The following ERC1 variants were observed in gnomAD, a reference collection of about 807,000 sequenced individuals.
The protein encoded by ERC1 is RAB6 interacting protein 2.
In ERC1, 56 loss-of-function variants were observed where a neutral mutation model predicts 132.0. The observed-to-expected ratio is 0.42, with a 90% CI of 0.34 to 0.53. ERC1 has a LOEUF of 0.53. Ranked by LOEUF, ERC1 falls within the 20% of genes least tolerant of loss-of-function variation. ERC1 has a pLI of 0.03. For synonymous variants in ERC1, 478 were observed against 476.1 expected, an observed-to-expected ratio of 1.00 and a Z score of -0.05; for missense variants, 1,202 against 1,349.9, an observed-to-expected ratio of 0.89 and a Z score of 1.72.
chr12:1,170,720 T>C lies in ERC1; in HGVS notation c.1738-9820T>C, dbSNP rs190397548. 3.5e-4 allele frequency among the ~76,000 whole-genome samples: 54 copies of C among 152,352 alleles called. No individual in the cohort carries two copies. In the East Asian group the frequency reaches 0.01, roughly 29 times the overall value. On this transcript the variant is annotated intron_variant, in intron 8 of 18. Coordinates refer to ENST00000360905, the MANE Select transcript of ERC1 (RefSeq NM_178040.4). ...GGTCTTACCAGCTTTTGTGTCATTG[T>C]ATCCAGTTGTTCTAATGCGAGAGGC...
chr12:1,351,073 C>T (rs1334093570), intron 15 of ERC1, among the ~76,000 whole-genome samples: 2 of 152,190 alleles, frequency 1.3e-5, no homozygotes, highest in African/African-American at 4.8e-5. Context: ...GGCCCCACCT[C>T]CCAACACCAT....
At chr12:1,159,952 A>G (rs1951738565) in intron 8 of ERC1, among the ~76,000 whole-genome samples, 1 of 152,236 alleles carries the variant, frequency 6.6e-6, no homozygotes. Context: ...TGGAACCTGT[A>G]AAGTGGTATA....
intron 8 of ERC1, among the ~76,000 whole-genome samples, chr12:1,154,299 G>T (rs561514063): frequency 5.5e-5 from 8 of 144,648 alleles, no homozygotes; most frequent in African/African-American, 2.1e-4. Flanking sequence ...ACACACACAC[G>T]TGCATATATA....
intron 1 of ERC1, among the ~76,000 whole-genome samples, chr12:1,005,187 T>C (rs571287810): frequency 1.3e-5 from 2 of 152,276 alleles, no homozygotes; most frequent in East Asian, 3.9e-4. Flanking sequence ...GGTTTCACTC[T>C]GTCACCCAGG....
intron 16 of ERC1, among the ~76,000 whole-genome samples, chr12:1,392,455 G>A (rs953735786): frequency 2.0e-5 from 3 of 152,150 alleles, no homozygotes; most frequent in South Asian, 2.1e-4. Context: ...GCAGATAACC[G>A]ATTTTTTTAA....
At chr12:1,148,663 G>A (rs963326001) in intron 8 of ERC1, among the ~76,000 whole-genome samples, 19 of 152,052 alleles carry the variant, frequency 1.2e-4, no homozygotes, top group Admixed American at 3.3e-4. Flanking sequence ...GTGCAGTGGC[G>A]TGATATTGGC....
chr12:1,124,614 C>CAAG (rs1566026718), intron 7 of ERC1, among the ~76,000 whole-genome samples: 1 of 151,996 alleles, frequency 6.6e-6, no homozygotes, highest in African/African-American at 2.4e-5. Context: ...TTAGAAAAAA[C>CAAG]AGTTAATCCA....
chr12:1,244,744 C>T (rs1415337240), intron 13 of ERC1: 1 of 322,076 alleles, frequency 3.1e-6, no homozygotes, highest in African/African-American at 2.2e-5. Flanking sequence ...CCAGGCTGGT[C>T]CTAGCATCAT....
intron 15 of ERC1, among the ~76,000 whole-genome samples, chr12:1,297,198 TA>T (rs35473192): frequency 0.023 from 2,951 of 130,300 alleles, 81 homozygotes; most frequent in African/African-American, 0.067. Context: ...TTCAGGGTAC[TA>T]AAAAAAAAAA....
At chr12:1,175,735 A>G (rs1305935262) in intron 8 of ERC1, among the ~76,000 whole-genome samples, 1 of 152,012 alleles carries the variant, frequency 6.6e-6, no homozygotes, top group Non-Finnish European at 1.5e-5. Context: ...GCGTTTCTCC[A>G]TGTTGGCCAG....
At chr12:1,443,068 T>G (rs1007675963) in intron 17 of ERC1, among the ~76,000 whole-genome samples, 1 of 151,900 alleles carries the variant, frequency 6.6e-6, no homozygotes, top group African/African-American at 2.4e-5. Context: ...CCCAGTTAAT[T>G]TTTTGTATTT....
chr12:1,489,758 C>CTT (rs2094298175), intron 18 of ERC1, among the ~76,000 whole-genome samples: 4 of 152,176 alleles, frequency 2.6e-5, no homozygotes, highest in Admixed American at 2.0e-4. Flanking sequence ...AGGATCCTCT[C>CTT]TGAGATCACC....
At chr12:1,268,868 T>C (rs1408873662) in intron 14 of ERC1, among the ~76,000 whole-genome samples, 1 of 151,984 alleles carries the variant, frequency 6.6e-6, no homozygotes, top group African/African-American at 2.4e-5. Flanking sequence ...GGAAACCAAG[T>C]TGTGGTTAGT....
rs570435717 is a variant in ERC1 at position 1,493,229 on chromosome 12, C to T, written c.*2999C>T. On this transcript the variant is annotated 3_prime_UTR_variant, in exon 19 of 19. Transcript: ENST00000360905. ...CCATTTGAAATGGAAAAATTTTGAA[C>T]GGGCTTTAACATGTTTAAGAAATAT... The T allele has an allele frequency of 2.1e-5, 4 of 192,348 alleles. No homozygotes were observed. The highest frequency in any genetic ancestry group is 1.9e-4 in the South Asian group (1 of 5,160). The allele number at this position is 192,348 out of a possible 1,614,324, so 11.9% of individuals were successfully genotyped here.
intron 7 of ERC1, among the ~76,000 whole-genome samples, chr12:1,126,817 G>A (rs1245455889): frequency 1.3e-5 from 2 of 151,766 alleles, no homozygotes; most frequent in East Asian, 1.9e-4. Context: ...GTGAAACCCC[G>A]TCTCTACTAA....
chr12:1,493,548 A>AATATATATATATATATATATATATAT lies in ERC1; in HGVS notation c.*3323_*3348dup, dbSNP rs1555139790. 3 of 13,610 alleles carry AATATATATATATATATATATATATAT rather than the reference A, an allele frequency of 2.2e-4. No homozygotes were observed. The highest frequency in any genetic ancestry group is 2.9e-4 in the Non-Finnish European group (2 of 6,814). 0.8% of individuals were successfully genotyped at this position (13,610 alleles called of 1,614,324 possible). Reference sequence around the variant, plus strand: ...ACTCCATTTAAAAAAAAAAAAAAAAAATATATATATATATATATATATATA... The same window carrying AATATATATATATATATATATATATAT: ...ACTCCATTTAAAAAAAAAAAAAAAAAATATATATATATATATATATATATATATATATATATATATATATATATATA... On this transcript the variant is annotated 3_prime_UTR_variant, in exon 19 of 19. Coordinates refer to ENST00000360905, the MANE Select transcript of ERC1 (RefSeq NM_178040.4).
chr12:1,200,400 C>T (rs1956793962), intron 12 of ERC1, among the ~76,000 whole-genome samples: 1 of 152,112 alleles, frequency 6.6e-6, no homozygotes, highest in African/African-American at 2.4e-5. Flanking sequence ...TTACTGACCT[C>T]CTTTCGCTAG....
rs1967141953 is a variant in ERC1, at chr12:1,027,763, C to A, written c.-141C>A. On this transcript the variant is annotated 5_prime_UTR_variant, in exon 2 of 19. Coordinates refer to ENST00000360905, the MANE Select transcript of ERC1 (RefSeq NM_178040.4). ...TTCATTACAGATATGGTGTAAGATACTTCTTCAAGATTGGACAGCTGGGGA... is the reference window on the plus strand; with the variant it reads ...TTCATTACAGATATGGTGTAAGATAATTCTTCAAGATTGGACAGCTGGGGA... 1 of 665,688 alleles carries A rather than the reference C, an allele frequency of 1.5e-6. No individual in the cohort carries two copies. The highest frequency in any genetic ancestry group is 2.6e-6 in the Non-Finnish European group (1 of 378,618). The allele number at this position is 665,688 out of a possible 1,614,324, so 41.2% of individuals were successfully genotyped here.
intron 16 of ERC1, chr12:1,380,958 G>C (rs1015076576): frequency 8.5e-5 from 13 of 152,230 alleles, no homozygotes; most frequent in Non-Finnish European, 1.5e-5. Flanking sequence ...GTAAACATCT[G>C]TTCATCTCAC....
Sources: gnomAD v4.1 joint callset for allele counts (sites outside exome capture counted in the v4.1 genomes callset) on GRCh38, gnomAD v4.1.1 for gene constraint, MANE v1.5 for transcripts, NCBI Gene and HGNC (gene_info 2026-07-23, HGNC 2026-07-21) for gene names.